The following STK32A variants were observed in gnomAD, a reference collection of about 807,000 sequenced individuals.
STK32A encodes the protein serine/threonine kinase 32A.
In STK32A, 41 loss-of-function variants were observed where a neutral mutation model predicts 53.2. The ratio of observed to expected loss-of-function variants is 0.77; its 90% CI spans 0.60 to 1.00. The LOEUF is 1.00. Among genes scored for constraint, STK32A ranks in the 50% least tolerant of loss-of-function variants. The pLI is 0.00. For missense variants in STK32A, 458 were observed against 485.8 expected (o/e 0.94, Z 0.54); for synonymous variants, 166 against 162.8 (o/e 1.02, Z -0.15).
the STK32A span, chr5:147,397,903 T>G: frequency 9.7e-7 from 1 of 1,029,994 alleles, no homozygotes; most frequent in Admixed American, 2.8e-5. Context: ...GGAACGTACC[T>G]TCTCTCCTTG....
chr5:147,322,562 A>T (rs147745569), intron 4 of STK32A, among the ~76,000 whole-genome samples: 227 of 152,336 alleles, frequency 1.5e-3, no homozygotes, highest in African/African-American at 5.3e-3. Context: ...TGTCACAAGG[A>T]AGTAATGTGC....
chr5:147,366,066 C>T (rs1307879157), intron 8 of STK32A, among the ~76,000 whole-genome samples: 1 of 152,044 alleles, frequency 6.6e-6, no homozygotes, highest in Non-Finnish European at 1.5e-5. Flanking sequence ...CACATACACA[C>T]CCTTCACAAG....
chr5:147,382,054 G>A (rs945639988), intron 11 of STK32A, among the ~76,000 whole-genome samples: 7 of 97,034 alleles, frequency 7.2e-5, no homozygotes, highest in Admixed American at 2.8e-4. Context: ...CCATCCTGAG[G>A]CACATGTGGC....
chr5:147,335,518 C>A (rs1360076087), intron 5 of STK32A, among the ~76,000 whole-genome samples: 1 of 152,128 alleles, frequency 6.6e-6, no homozygotes, highest in African/African-American at 2.4e-5. Flanking sequence ...CTGCCTGCTG[C>A]CCAGGGCTCC....
rs1411393368 is a variant in STK32A at position 147,384,640 on chromosome 5, G to C, written c.*657G>C. The C allele has an allele frequency of 2.7e-5, 12 of 439,314 alleles. No homozygotes were observed. The highest frequency in any genetic ancestry group is 4.4e-5 in the Non-Finnish European group (11 of 250,184). 27.2% of individuals were successfully genotyped at this position (439,314 alleles called of 1,614,324 possible). On this transcript the variant is annotated 3_prime_UTR_variant, in exon 13 of 13. Coordinates refer to ENST00000397936, the MANE Select transcript of STK32A (RefSeq NM_001112724.2). Reference sequence around the variant, plus strand: ...CTCCCTCTTCAACAATGTGAAAGTGGTAACTTGAAATTGGTAATAATGGGA... The same window carrying C: ...CTCCCTCTTCAACAATGTGAAAGTGCTAACTTGAAATTGGTAATAATGGGA...
chr5:147,276,593 T>C (rs190474801), intron 2 of STK32A, among the ~76,000 whole-genome samples: 12 of 152,288 alleles, frequency 7.9e-5, no homozygotes, highest in African/African-American at 2.9e-4. Flanking sequence ...AAGTGAGAAC[T>C]GCAAAGAGTT....
intron 7 of STK32A, among the ~76,000 whole-genome samples, chr5:147,357,171 C>A (rs1403218117): frequency 3.9e-5 from 6 of 151,966 alleles, no homozygotes; most frequent in Admixed American, 1.3e-4. Context: ...ATTAAAAGAG[C>A]AAAAGAATTT....
chr5:147,351,492 C>T lies in STK32A; in HGVS notation c.562+338C>T, dbSNP rs533077071. 1.1e-3 allele frequency among the ~76,000 whole-genome samples: 164 copies of T among 152,160 alleles called. 1 individual carries two copies. Among genetic ancestry groups the T allele is most frequent in the Admixed American group, 1.0e-3 (16 of 15,270 alleles). On this transcript the variant is annotated intron_variant, in intron 7 of 12. Transcript: ENST00000397936. Reference sequence around the variant, plus strand: ...ATGCCGGTGACCCTGTAGAAAGCAACACAGACAAGGTCTTCAGATCCTGGA... The same window carrying T: ...ATGCCGGTGACCCTGTAGAAAGCAATACAGACAAGGTCTTCAGATCCTGGA...
chr5:147,326,520 C>T (rs559702788), intron 5 of STK32A, among the ~76,000 whole-genome samples: 3 of 152,124 alleles, frequency 2.0e-5, no homozygotes, highest in Non-Finnish European at 4.4e-5. Flanking sequence ...GGAGTTGTGA[C>T]ATTTGGTGTA....
At chr5:147,350,998 A>G in intron 6 of STK32A, 67 bp from the exon 7 acceptor site, 15 of 1,410,788 alleles carry the variant, frequency 1.1e-5, no homozygotes, top group Non-Finnish European at 1.5e-5. Context: ...GTTTTCAGTT[A>G]AAAGCATGAT....
downstream of STK32A, chr5:147,392,746 G>A (rs1757850464): frequency 6.6e-6 from 1 of 152,126 alleles, no homozygotes; most frequent in Non-Finnish European, 1.5e-5. Flanking sequence ...CACTCACTTG[G>A]GGAGATTCTA....
intron 9 of STK32A, 142 bp from the exon 10 acceptor site, chr5:147,373,027 C>T (rs1274460761): frequency 4.9e-6 from 5 of 1,014,992 alleles, no homozygotes; most frequent in Non-Finnish European, 7.2e-6. Flanking sequence ...GTATGATCTA[C>T]ATTGTTTATG....
In STK32A at chr5:147,383,558, CA is replaced by C. The variant is rs1488137061; in HGVS notation, c.1097+54del. The C allele has an allele frequency of 1.1e-5, 15 of 1,345,040 alleles. No homozygotes were observed. The African/African-American group carries it at 1.8e-4, about 16-fold the overall frequency. The allele number at this position is 1,345,040 out of a possible 1,614,324, so 83.3% of individuals were successfully genotyped here. A position where few individuals can be genotyped will look rare whatever the true frequency, so the allele number is the denominator to read the frequency against. On this transcript the variant is annotated intron_variant, in intron 12 of 12. Transcript: ENST00000397936. ...CCCAGAAATGGTGGCATGTTTCAGC[CA>C]GACTTTACTTGCAGAGAAAATATAT...
chr5:147,373,109 T>C, intron 9 of STK32A, 60 bp from the exon 10 acceptor site: 2 of 1,597,590 alleles, frequency 1.3e-6, no homozygotes, highest in Non-Finnish European at 8.5e-7. Flanking sequence ...GGAATTTGTA[T>C]GATTTTTTTT....
intron 2 of STK32A, among the ~76,000 whole-genome samples, chr5:147,245,543 A>G (rs1753741547): frequency 6.6e-6 from 1 of 152,128 alleles, no homozygotes; most frequent in Non-Finnish European, 1.5e-5. Flanking sequence ...TTTTTACAGG[A>G]GAGAGTGGAC....
intron 11 of STK32A, among the ~76,000 whole-genome samples, chr5:147,380,150 C>T (rs1158666604): frequency 2.6e-5 from 4 of 152,116 alleles, no homozygotes; most frequent in African/African-American, 2.4e-5. Context: ...TTGCATTTCA[C>T]TCAATTATAA....
In STK32A at chr5:147,373,167, A is replaced by C. The variant is rs1390930033; in HGVS notation, c.778-2A>C. On this transcript the variant is annotated splice_acceptor_variant, in intron 9 of 12. Transcript: ENST00000397936. LOFTEE classifies it high-confidence loss of function. Reference sequence around the variant, plus strand: ...GCCTTGATGTTTGCATTTTATTGGCAGCTACTCGAACCTAATCCAGACCAA... The same window carrying C: ...GCCTTGATGTTTGCATTTTATTGGCCGCTACTCGAACCTAATCCAGACCAA... 6.2e-7 allele frequency: 1 copy of C among 1,612,822 alleles called. No homozygotes were observed. Among genetic ancestry groups the C allele is most frequent in the Admixed American group, 1.7e-5 (1 of 59,910 alleles).
intron 4 of STK32A, among the ~76,000 whole-genome samples, chr5:147,317,000 G>C (rs183666289): frequency 1.3e-3 from 191 of 151,300 alleles, no homozygotes; most frequent in African/African-American, 4.4e-3. Flanking sequence ...AGAAATGATA[G>C]AATTCAAATA....
chr5:147,276,725 G>A (rs191264171), intron 2 of STK32A, among the ~76,000 whole-genome samples: 1 of 152,298 alleles, frequency 6.6e-6, no homozygotes, highest in African/African-American at 2.4e-5. Context: ...AAACTCAGAA[G>A]TCAAGGAGTT....
Sources: gnomAD v4.1 joint callset for allele counts (sites outside exome capture counted in the v4.1 genomes callset) on GRCh38, gnomAD v4.1.1 for gene constraint, MANE v1.5 for transcripts, NCBI Gene and HGNC (gene_info 2026-07-23, HGNC 2026-07-21) for gene names.